PTPRM: variants seen among roughly 807,000 people sequenced by gnomAD.
The protein encoded by PTPRM is receptor-type tyrosine-protein phosphatase mu.
Under a neutral mutation model 186.7 loss-of-function variants are expected in PTPRM, and 47 were observed. The observed-to-expected ratio is 0.25, with a 90% CI of 0.20 to 0.32. The LOEUF (loss-of-function observed/expected upper bound fraction) is 0.32. PTPRM is among the 10% of genes least tolerant of loss of function. PTPRM has a pLI of 1.00. For missense variants in PTPRM, 1,494 were observed against 1,865.0 expected, an observed-to-expected ratio of 0.80 and a Z score of 3.66; for synonymous variants, 668 against 674.9, an observed-to-expected ratio of 0.99 and a Z score of 0.16.
intron 20 of PTPRM, among the ~76,000 whole-genome samples, chr18:8,313,230 C>T (rs138865399): frequency 6.6e-5 from 10 of 152,240 alleles, no homozygotes; most frequent in African/African-American, 2.4e-4. Flanking sequence ...CAGGGTTTCC[C>T]ACTGCTCTAG....
At position 7,889,333 on chromosome 18, in the gene PTPRM, CT is replaced by C. The variant is rs770886704; in HGVS notation, c.468+977del. On this transcript the variant is annotated intron_variant, in intron 3 of 32. Transcript: ENST00000580170. ...TTTGCAAATATATTTTCTTTTCTTTCTTTTTTTTTTTTTTTTTTTTTGAGAC... is the reference window on the plus strand; with the variant it reads ...TTTGCAAATATATTTTCTTTTCTTTCTTTTTTTTTTTTTTTTTTTTGAGAC... Among the ~76,000 whole-genome samples the C allele has an allele frequency of 1.0e-2, 1,198 of 119,812 alleles. 12 individuals are homozygous for C. Among genetic ancestry groups the C allele is most frequent in the African/African-American group, 0.035 (1,068 of 30,708 alleles). 78.6% of individuals were successfully genotyped at this position (119,812 alleles called of 152,430 possible).
chr18:8,113,145 A>G (rs1344934065), intron 11 of PTPRM, among the ~76,000 whole-genome samples: 1 of 152,244 alleles, frequency 6.6e-6, no homozygotes, highest in African/African-American at 2.4e-5. Flanking sequence ...TGAGTTAATT[A>G]TCTGTAAAAT....
intron 2 of PTPRM, among the ~76,000 whole-genome samples, chr18:7,838,904 C>T (rs957877908): frequency 6.6e-6 from 1 of 152,192 alleles, no homozygotes; most frequent in African/African-American, 2.4e-5. Context: ...CCCACTCTTC[C>T]CTCCCCTTTC....
intron 2 of PTPRM, among the ~76,000 whole-genome samples, chr18:7,842,947 T>TATATATATATATATAGAGAGAGAG (rs370746043): frequency 1.2e-4 from 14 of 112,110 alleles, no homozygotes; most frequent in African/African-American, 4.6e-4. Flanking sequence ...TATATATATA[T>TATATATATATATATAGAGAGAGAG]AGAGAGAGAG....
intron 22 of PTPRM, among the ~76,000 whole-genome samples, chr18:8,323,385 A>C (rs905580449): frequency 1.1e-4 from 16 of 152,298 alleles, no homozygotes; most frequent in Admixed American, 7.8e-4. Flanking sequence ...TGGTTAATCC[A>C]GATCCAGCCC....
rs576523845 is a variant in PTPRM, at chr18:8,021,996, T to C, written c.1133-47690T>C. ...ACATTTATAGATTTGTGGAATAAAA[T>C]TTGTATTTTGTGGTGTTATGTTTGA... On this transcript the variant is annotated intron_variant, in intron 7 of 32. Transcript: ENST00000580170. 3.3e-5 allele frequency among the ~76,000 whole-genome samples: 5 copies of C among 152,306 alleles called. No individual in the cohort carries two copies. The South Asian group carries it at 1.0e-3, about 32-fold the overall frequency.
chr18:7,891,408 G>A (rs2049074028), intron 3 of PTPRM, among the ~76,000 whole-genome samples: 1 of 151,484 alleles, frequency 6.6e-6, no homozygotes. Context: ...TACATGTACT[G>A]TTTTTATTTA....
intron 19 of PTPRM, among the ~76,000 whole-genome samples, chr18:8,266,964 A>G (rs758701065): frequency 6.6e-6 from 1 of 152,114 alleles, no homozygotes; most frequent in Non-Finnish European, 1.5e-5. Context: ...GATTTTAAAA[A>G]CTTCTTCACT....
At chr18:7,772,369 T>TTCTTTCTTTCTTTC (rs2042338163) in intron 1 of PTPRM, among the ~76,000 whole-genome samples, 1 of 100,186 alleles carries the variant, frequency 1.0e-5, no homozygotes, top group African/African-American at 3.5e-5. Context: ...CTTTCTTTCT[T>TTCTTTCTTTCTTTC]TCTTTCTTTC....
At chr18:7,733,013 G>A (rs1250331715) in intron 1 of PTPRM, among the ~76,000 whole-genome samples, 1 of 152,070 alleles carries the variant, frequency 6.6e-6, no homozygotes, top group African/African-American at 2.4e-5. Flanking sequence ...TTTGTCTCAT[G>A]ACCAGGAAAA....
chr18:8,372,733 A>C (rs1480882390), intron 24 of PTPRM, among the ~76,000 whole-genome samples: 2 of 151,542 alleles, frequency 1.3e-5, no homozygotes, highest in South Asian at 2.1e-4. Context: ...AAAAAAAAAA[A>C]ACACATGGAG....
chr18:8,074,175 A>T (rs1384563144), intron 8 of PTPRM, among the ~76,000 whole-genome samples: 1 of 152,168 alleles, frequency 6.6e-6, no homozygotes, highest in African/African-American at 2.4e-5. Context: ...TTGAAATCCT[A>T]GGCAGGCTTT....
intron 2 of PTPRM, among the ~76,000 whole-genome samples, chr18:7,842,845 G>C (rs530349583): frequency 7.8e-6 from 1 of 128,976 alleles, no homozygotes; most frequent in African/African-American, 3.5e-5. Context: ...TATATATAGA[G>C]AGAGAGAGAG....
chr18:7,908,237 A>G (rs1170669985), intron 4 of PTPRM, among the ~76,000 whole-genome samples: 3 of 152,168 alleles, frequency 2.0e-5, no homozygotes, highest in Middle Eastern at 3.2e-3. Flanking sequence ...TTCAAAATTG[A>G]TATCACCAGA....
intron 7 of PTPRM, among the ~76,000 whole-genome samples, chr18:7,980,178 A>G (rs544787054): frequency 3.9e-5 from 6 of 152,146 alleles, no homozygotes; most frequent in South Asian, 2.1e-4. Context: ...AGAAACCTGA[A>G]TTGCCCTTGA....
intron 1 of PTPRM, among the ~76,000 whole-genome samples, chr18:7,592,004 A>C (rs2037138794): frequency 6.6e-6 from 1 of 152,162 alleles, no homozygotes; most frequent in Admixed American, 6.5e-5. Flanking sequence ...AAAACTTTGA[A>C]GTTTATTTCC....
intron 7 of PTPRM, among the ~76,000 whole-genome samples, chr18:8,028,807 G>A (rs2085746213): frequency 6.6e-6 from 1 of 152,198 alleles, no homozygotes; most frequent in Non-Finnish European, 1.5e-5. Flanking sequence ...GCACGACGAG[G>A]AAGATGAAGT....
Position 8,244,133 on chromosome 18 carries a change from C to A in PTPRM, c.2376C>A (p.Asp792Glu). ...QEMTVMVNSM[D>E]KSYAEQGTNC... is the part of the protein sequence containing the mutation. ...TGACTGTGATGGTGAACTCAATGGA[C>A]AAGAGCTATGCTGAGCAGGGCACAA... The change falls in exon 15 of 33, where the codon GAC becomes GAA. Residue 792 changes from aspartate to glutamate, a missense_variant. This residue lies in a region of PTPRM where 1,107 missense variants were observed against 1,350.2 expected (regional missense o/e 0.82). Coordinates refer to ENST00000580170, the MANE Select transcript of PTPRM (RefSeq NM_001105244.2). 6.2e-7 allele frequency: 1 copy of A among 1,610,922 alleles called. No homozygotes were observed. Among genetic ancestry groups the A allele is most frequent in the Non-Finnish European group, 8.5e-7 (1 of 1,178,998 alleles).
chr18:8,238,653 T>TGTGTTTTTTTTTTG (rs1568578028), intron 14 of PTPRM, among the ~76,000 whole-genome samples: 5 of 26,292 alleles, frequency 1.9e-4, no homozygotes, highest in African/African-American at 9.0e-4. Context: ...TTTTGTGTGT[T>TGTGTTTTTTTTTTG]TTTTTTTTTT....
Sources: gnomAD v4.1 joint callset for allele counts (sites outside exome capture counted in the v4.1 genomes callset) on GRCh38, gnomAD v4.1.1 for gene constraint, gnomAD v4.1.1 regional missense constraint, MANE v1.5 for transcripts, NCBI Gene and HGNC (gene_info 2026-07-23, HGNC 2026-07-21) for gene names.